ERC2: variants seen among roughly 807,000 people sequenced by gnomAD.
ERC2 encodes the protein ERC protein 2.
In ERC2, 42 loss-of-function variants were observed where a neutral mutation model predicts 114.8. The observed-to-expected ratio is 0.37, with a 90% CI of 0.29 to 0.47. The LOEUF (loss-of-function observed/expected upper bound fraction) is 0.47. ERC2 is among the 20% of genes least tolerant of loss of function. The pLI, the probability that ERC2 is intolerant of heterozygous loss-of-function variation, is 0.99. For missense variants in ERC2, 939 were observed against 1,150.7 expected (o/e 0.82, Z 2.66); for synonymous variants, 454 against 425.5 (o/e 1.07, Z -0.82).
At chr3:55,523,922 C>T (rs180827278) in intron 17 of ERC2, among the ~76,000 whole-genome samples, 11 of 152,250 alleles carry the variant, frequency 7.2e-5, no homozygotes, top group Admixed American at 2.0e-4. Context: ...AAGTGAGAGC[C>T]GGAGACAGGG....
intron 6 of ERC2, among the ~76,000 whole-genome samples, chr3:56,083,712 G>C (rs940203598): frequency 6.6e-6 from 1 of 152,058 alleles, no homozygotes; most frequent in Non-Finnish European, 1.5e-5. Flanking sequence ...AGTGGGGGTT[G>C]GATAAGGTTC....
At chr3:56,076,537 C>T (rs377478651) in intron 7 of ERC2, among the ~76,000 whole-genome samples, 3 of 152,188 alleles carry the variant, frequency 2.0e-5, no homozygotes, top group African/African-American at 7.2e-5. Flanking sequence ...GAAACCATAC[C>T]GCTCTTCTGA....
chr3:56,124,868 C>T (rs2079786321), intron 6 of ERC2, among the ~76,000 whole-genome samples: 1 of 152,158 alleles, frequency 6.6e-6, no homozygotes, highest in Non-Finnish European at 1.5e-5. Context: ...AATTCTATAA[C>T]TGAACAAAAG....
intron 3 of ERC2, among the ~76,000 whole-genome samples, chr3:56,287,519 C>T (rs547283460): frequency 2.0e-5 from 3 of 152,316 alleles, no homozygotes; most frequent in East Asian, 3.9e-4. Context: ...CTTCCCGCTG[C>T]TCTATGACCT....
At chr3:55,955,042 G>T in intron 12 of ERC2, 1 of 421,968 alleles carries the variant, frequency 2.4e-6, no homozygotes, top group Non-Finnish European at 4.8e-6. Context: ...AAAAAAGCAG[G>T]TAGCAGAAAT....
In ERC2 at chr3:56,116,118, C is replaced by T. The variant is rs2079219305; in HGVS notation, c.1473+23391G>A. Reference sequence around the variant, plus strand: ...TATGGTCCCATGTGGCAGGGTGTGCCCCTTCCTCTTGGAAGTGGTAATGAA... The same window carrying T: ...TATGGTCCCATGTGGCAGGGTGTGCTCCTTCCTCTTGGAAGTGGTAATGAA... On this transcript the variant is annotated intron_variant, in intron 6 of 17. Transcript: ENST00000288221. 2.6e-5 allele frequency among the ~76,000 whole-genome samples: 4 copies of T among 152,322 alleles called. No homozygotes were observed. In the South Asian group the frequency reaches 8.3e-4, roughly 32 times the overall value.
At chr3:55,655,294 C>T (rs1341131311) in intron 17 of ERC2, among the ~76,000 whole-genome samples, 1 of 152,112 alleles carries the variant, frequency 6.6e-6, no homozygotes. Flanking sequence ...TGTACTACAT[C>T]CTTGTCATGT....
chr3:56,395,291 C>T (rs1378945474), intron 2 of ERC2, among the ~76,000 whole-genome samples: 2 of 152,154 alleles, frequency 1.3e-5, no homozygotes, highest in African/African-American at 4.8e-5. Flanking sequence ...ATGTGAATTA[C>T]ATTTCATAAA....
At chr3:56,432,550 T>C (rs1241000082) in intron 2 of ERC2, among the ~76,000 whole-genome samples, 1 of 152,210 alleles carries the variant, frequency 6.6e-6, no homozygotes, top group Non-Finnish European at 1.5e-5. Context: ...TTTCTACGTC[T>C]GAAAACTAGC....
At chr3:55,853,768 C>T (rs542890798) in intron 14 of ERC2, among the ~76,000 whole-genome samples, 4 of 152,118 alleles carry the variant, frequency 2.6e-5, no homozygotes, top group East Asian at 1.9e-4. Flanking sequence ...AGAGGAGGAA[C>T]GTGCAGTTAT....
intron 14 of ERC2, among the ~76,000 whole-genome samples, chr3:55,825,749 C>T (rs2060299255): frequency 6.6e-6 from 1 of 152,092 alleles, no homozygotes; most frequent in African/African-American, 2.4e-5. Context: ...GGTGATATTA[C>T]ACTAAAGTTA....
At chr3:55,712,941 T>C in intron 15 of ERC2, among the ~76,000 whole-genome samples, 2 of 152,160 alleles carry the variant, frequency 1.3e-5, no homozygotes, top group Non-Finnish European at 2.9e-5. Flanking sequence ...AGCCTGAAAC[T>C]AAGTCTTCAC....
chr3:56,210,998 C>T (rs1215764240), intron 3 of ERC2, among the ~76,000 whole-genome samples: 2 of 152,104 alleles, frequency 1.3e-5, no homozygotes, highest in African/African-American at 4.8e-5. Flanking sequence ...GATGAAAACA[C>T]TATAGATATT....
chr3:55,891,733 A>C (rs1215280765), intron 13 of ERC2, among the ~76,000 whole-genome samples: 1 of 151,888 alleles, frequency 6.6e-6, no homozygotes, highest in Non-Finnish European at 1.5e-5. Context: ...GCATGAGCCA[A>C]CTGTCTGATT....
chr3:55,944,319 C>A (rs911612387), intron 13 of ERC2, among the ~76,000 whole-genome samples: 1 of 152,194 alleles, frequency 6.6e-6, no homozygotes, highest in Non-Finnish European at 1.5e-5. Flanking sequence ...AATAATGAAC[C>A]CCACTCTGTC....
intron 14 of ERC2, among the ~76,000 whole-genome samples, chr3:55,841,899 G>A (rs1488503064): frequency 6.6e-6 from 1 of 152,022 alleles, no homozygotes; most frequent in African/African-American, 2.4e-5. Context: ...ACTACATCTC[G>A]TCTTGAAAAC....
intron 7 of ERC2, among the ~76,000 whole-genome samples, chr3:56,077,092 C>T (rs2077012127): frequency 6.6e-6 from 1 of 152,200 alleles, no homozygotes; most frequent in Non-Finnish European, 1.5e-5. Flanking sequence ...TGCCCTAAAA[C>T]AGCCAATTAT....
chr3:56,106,599 C>T (rs950765614), intron 6 of ERC2, among the ~76,000 whole-genome samples: 1 of 151,984 alleles, frequency 6.6e-6, no homozygotes, highest in Non-Finnish European at 1.5e-5. Context: ...TTCTGGTTTA[C>T]TTATTTATTT....
At chr3:55,929,807 C>T (rs2065967778) in intron 13 of ERC2, among the ~76,000 whole-genome samples, 1 of 152,212 alleles carries the variant, frequency 6.6e-6, no homozygotes, top group Non-Finnish European at 1.5e-5. Flanking sequence ...TCTCTTCCTT[C>T]TGCTGCAGCC....
Sources: allele counts gnomAD v4.1 joint callset (sites outside exome capture counted in the v4.1 genomes callset), GRCh38; gene constraint gnomAD v4.1.1; transcripts MANE v1.5; gene names NCBI Gene and HGNC (gene_info 2026-07-23, HGNC 2026-07-21).